The following IGSF21 variants were observed in gnomAD, a reference collection of about 807,000 sequenced individuals.
IGSF21 encodes immunoglobulin superfamily member 21.
IGSF21 carries 28 observed loss-of-function variants against 46.8 expected under a neutral mutation model. The observed-to-expected ratio is 0.60, with a 90% confidence interval of 0.44 to 0.82. IGSF21 has a LOEUF of 0.82. Among genes scored for constraint, IGSF21 ranks in the 40% least tolerant of loss-of-function variants. IGSF21 has a pLI of 0.00. For synonymous variants in IGSF21, 284 were observed against 273.6 expected, an observed-to-expected ratio of 1.04 and a Z score of -0.38; for missense variants, 624 against 665.5, an observed-to-expected ratio of 0.94 and a Z score of 0.69.
At chr1:18,140,794 T>C (rs1474481058) in intron 1 of IGSF21, among the ~76,000 whole-genome samples, 1 of 152,188 alleles carries the variant, frequency 6.6e-6, no homozygotes, top group Non-Finnish European at 1.5e-5. Flanking sequence ...CCTTCCACTG[T>C]CATGGCATTT....
intron 3 of IGSF21, among the ~76,000 whole-genome samples, chr1:18,300,236 A>G (rs1319481104): frequency 6.6e-6 from 1 of 152,002 alleles, no homozygotes; most frequent in Non-Finnish European, 1.5e-5. Context: ...CCAGAGCAAG[A>G]CCTGGGGAAC....
intron 3 of IGSF21, among the ~76,000 whole-genome samples, chr1:18,315,119 G>A (rs945211776): frequency 3.9e-5 from 6 of 152,080 alleles, no homozygotes; most frequent in Non-Finnish European, 8.8e-5. Context: ...GCGATGGGGC[G>A]GGGATAGGAG....
chr1:18,361,105 C>T (rs1006403694), intron 4 of IGSF21, among the ~76,000 whole-genome samples: 1 of 152,144 alleles, frequency 6.6e-6, no homozygotes, highest in Non-Finnish European at 1.5e-5. Context: ...AGGAAAGACT[C>T]CTGGCCACAA....
chr1:18,328,276 G>A (rs72655196), intron 3 of IGSF21, among the ~76,000 whole-genome samples: 152 of 152,196 alleles, frequency 1.0e-3, no homozygotes, highest in Non-Finnish European at 1.9e-3. Context: ...TTAAATGTGC[G>A]GAAAACACTT....
chr1:18,266,645 C>T (rs1281370724), intron 2 of IGSF21, among the ~76,000 whole-genome samples: 1 of 152,262 alleles, frequency 6.6e-6, no homozygotes, highest in Non-Finnish European at 1.5e-5. Context: ...AGGCCATGCA[C>T]TGTCACTCAT....
intron 4 of IGSF21, among the ~76,000 whole-genome samples, chr1:18,339,809 T>C (rs927441321): frequency 6.6e-6 from 1 of 152,144 alleles, no homozygotes. Context: ...TTTCGGAACA[T>C]GTAGGAGTCT....
At chr1:18,280,113 A>T (rs1476023461) in intron 2 of IGSF21, among the ~76,000 whole-genome samples, 1 of 152,096 alleles carries the variant, frequency 6.6e-6, no homozygotes, top group East Asian at 1.9e-4. Flanking sequence ...TGACACGGGG[A>T]CTGAGTGCTG....
At chr1:18,336,331 C>T (rs577987787) in intron 4 of IGSF21, among the ~76,000 whole-genome samples, 3 of 152,304 alleles carry the variant, frequency 2.0e-5, no homozygotes, top group Admixed American at 6.5e-5. Context: ...TCAGGGAAGG[C>T]CCCTCTGCAG....
Position 18,157,901 on chromosome 1 carries a change from G to A in IGSF21, c.70+49703G>A, listed in dbSNP as rs183791927. On this transcript the variant is annotated intron_variant, in intron 1 of 9. Transcript: ENST00000251296. The stretch of plus-strand genomic sequence containing the variant: ...CAGAGTAAGCATTTGCTCAGAGCAG[G>A]AACTCTGTCTCTCCCACTAGACTGC... Among the ~76,000 whole-genome samples, 8 of 152,268 alleles carry A rather than the reference G, an allele frequency of 5.3e-5. No homozygotes were observed. In the East Asian group the frequency reaches 9.6e-4, roughly 18 times the overall value.
intron 1 of IGSF21, among the ~76,000 whole-genome samples, chr1:18,163,936 C>T (rs936570219): frequency 1.3e-5 from 2 of 152,058 alleles, no homozygotes; most frequent in Non-Finnish European, 2.9e-5. Context: ...AGGGAAATAC[C>T]GTGATAGCCA....
chr1:18,163,520 A>T (rs2086648583), intron 1 of IGSF21, among the ~76,000 whole-genome samples: 1 of 152,152 alleles, frequency 6.6e-6, no homozygotes, highest in African/African-American at 2.4e-5. Context: ...GTTAGAGCAG[A>T]TCCCCAAGGC....
intron 1 of IGSF21, among the ~76,000 whole-genome samples, chr1:18,186,562 C>T (rs2086904792): frequency 6.6e-6 from 1 of 152,218 alleles, no homozygotes; most frequent in Admixed American, 6.5e-5. Context: ...TGACATCTAA[C>T]TGCATCTCTT....
At chr1:18,161,658 C>T (rs761979802) in intron 1 of IGSF21, among the ~76,000 whole-genome samples, 14 of 152,168 alleles carry the variant, frequency 9.2e-5, no homozygotes, top group Non-Finnish European at 2.9e-5. Flanking sequence ...GCGAGGAAAA[C>T]TATGAAACGG....
chr1:18,140,000 G>T (rs1325668233), intron 1 of IGSF21, among the ~76,000 whole-genome samples: 1 of 152,118 alleles, frequency 6.6e-6, no homozygotes, highest in Non-Finnish European at 1.5e-5. Flanking sequence ...AGGCTGAAGT[G>T]CAGTGGTGCG....
At chr1:18,246,301 G>T (rs926485941) in intron 2 of IGSF21, among the ~76,000 whole-genome samples, 1 of 152,014 alleles carries the variant, frequency 6.6e-6, no homozygotes, top group African/African-American at 2.4e-5. Context: ...CATGACTCTT[G>T]CTGCCTCAGG....
chr1:18,329,350 T>A (rs1333286856), intron 3 of IGSF21, among the ~76,000 whole-genome samples: 1 of 152,204 alleles, frequency 6.6e-6, no homozygotes, highest in Middle Eastern at 3.2e-3. Context: ...ATGTATCAGA[T>A]GGAGAAACCG....
At chr1:18,218,421 G>C (rs1459102614) in intron 1 of IGSF21, among the ~76,000 whole-genome samples, 1 of 152,216 alleles carries the variant, frequency 6.6e-6, no homozygotes, top group African/African-American at 2.4e-5. Context: ...TCATATCAAA[G>C]TAGTAATTAA....
At chr1:18,354,235 T>C (rs563863) in intron 4 of IGSF21, among the ~76,000 whole-genome samples, 130,982 of 152,164 alleles carry the variant, frequency 0.86, 56,515 homozygotes, top group Non-Finnish European at 0.9. Context: ...AGGCCCAGTG[T>C]GTGCAGGGCA....
intron 3 of IGSF21, among the ~76,000 whole-genome samples, chr1:18,307,446 G>A (rs761585): frequency 0.49 from 75,203 of 152,064 alleles, 21,708 homozygotes; most frequent in East Asian, 0.8. Context: ...TCCTCACAAT[G>A]TTACAACGAA....
Sources: gnomAD v4.1 joint callset for allele counts (sites outside exome capture counted in the v4.1 genomes callset) on GRCh38, gnomAD v4.1.1 for gene constraint, MANE v1.5 for transcripts, NCBI Gene and HGNC (gene_info 2026-07-23, HGNC 2026-07-21) for gene names.